The following ODAD2 variants were observed in gnomAD, a reference collection of about 807,000 sequenced individuals.
ODAD2 encodes the protein outer dynein arm-docking complex subunit 2.
In ODAD2, 89 loss-of-function variants were observed where a neutral mutation model predicts 106.8. The ratio of observed to expected loss-of-function variants is 0.83; its 90% CI spans 0.70 to 0.99. The LOEUF is 0.99. Ranked by LOEUF, ODAD2 falls within the 50% of genes least tolerant of loss-of-function variation. The pLI is 0.00. For missense variants in ODAD2, 1,168 were observed against 1,238.5 expected, an observed-to-expected ratio of 0.94 and a Z score of 0.85; for synonymous variants, 404 against 436.2, an observed-to-expected ratio of 0.93 and a Z score of 0.92.
chr10:27,956,979 C>T (rs1351909617), intron 10 of ODAD2: 1 of 152,156 alleles, frequency 6.6e-6, no homozygotes, highest in East Asian at 1.9e-4. Flanking sequence ...TCTCCACCTA[C>T]CTTATTTAGA....
intron 17 of ODAD2, among the ~76,000 whole-genome samples, chr10:27,901,863 G>A (rs905015361): frequency 6.6e-6 from 1 of 152,120 alleles, no homozygotes; most frequent in African/African-American, 2.4e-5. Context: ...ATAATACTGG[G>A]AGACTTTAAC....
intron 9 of ODAD2, among the ~76,000 whole-genome samples, chr10:27,964,485 A>G (rs895177528): frequency 6.6e-6 from 1 of 152,222 alleles, no homozygotes; most frequent in African/African-American, 2.4e-5. Context: ...TCATTCACCA[A>G]ACGTGCATGG....
At chr10:27,859,781 G>A (rs531356120) in intron 19 of ODAD2, among the ~76,000 whole-genome samples, 12 of 152,134 alleles carry the variant, frequency 7.9e-5, no homozygotes, top group Non-Finnish European at 1.5e-4. Context: ...TTTGCAATGT[G>A]TAGGTAAGTT....
At chr10:27,859,537 GT>G (rs1839896701) in intron 19 of ODAD2, among the ~76,000 whole-genome samples, 1 of 152,072 alleles carries the variant, frequency 6.6e-6, no homozygotes, top group Non-Finnish European at 1.5e-5. Flanking sequence ...ACTAACTGGG[GT>G]TTTTAACTCT....
chr10:27,940,340 AT>A (rs1364483092), intron 13 of ODAD2, among the ~76,000 whole-genome samples: 3 of 152,058 alleles, frequency 2.0e-5, no homozygotes, highest in African/African-American at 7.2e-5. Context: ...ATTTATATAA[AT>A]GTCAGTATAT....
intron 10 of ODAD2, among the ~76,000 whole-genome samples, chr10:27,948,779 A>ATTTTTTTTTTTTTTTTTT (rs11451204): frequency 9.9e-5 from 4 of 40,326 alleles, no homozygotes; most frequent in Non-Finnish European, 1.2e-4. Flanking sequence ...TGGCCTTTGG[A>ATTTTTTTTTTTTTTTTTT]TTTTTTTTTT....
intron 16 of ODAD2, among the ~76,000 whole-genome samples, chr10:27,924,988 G>GAAAA (rs34887332): frequency 7.8e-6 from 1 of 127,890 alleles, no homozygotes; most frequent in Non-Finnish European, 1.6e-5. Context: ...TATTTAAAAT[G>GAAAA]AAAAAAAAAA....
intron 7 of ODAD2, among the ~76,000 whole-genome samples, 153 bp from the exon 8 acceptor site, chr10:27,971,466 T>C (rs1848858147): frequency 6.6e-6 from 1 of 152,212 alleles, no homozygotes; most frequent in South Asian, 2.1e-4. Flanking sequence ...ACATCAAGAC[T>C]AAGGCTTCTG....
intron 17 of ODAD2, 32 bp downstream of exon 17, chr10:27,907,631 C>G (rs776237848): frequency 6.7e-7 from 1 of 1,483,796 alleles, no homozygotes; most frequent in Non-Finnish European, 9.4e-7. Context: ...ATTAGAGATT[C>G]TAGAAGAGAC....
Position 27,940,593 on chromosome 10 carries a change from C to T in ODAD2, c.1956G>A (p.Val652=). The T allele has an allele frequency of 6.2e-7, 1 of 1,614,098 alleles. No individual in the cohort carries two copies. The highest frequency in any genetic ancestry group is 8.5e-7 in the Non-Finnish European group (1 of 1,179,980). The stretch of plus-strand genomic sequence containing the variant: ...ATGCACACTCTTGCAATGTCCCCAC[C>T]ACTGGAATTAGCATGTTTTCATGAG... The part of the protein sequence containing the change: ...KTSHENMLIP[V]VGTLQECASE... The change falls in exon 13 of 20, where the codon GTG becomes GTA. Residue 652 remains valine, a synonymous_variant. Transcript: ENST00000305242.
At chr10:27,953,813 T>C (rs548826599) in intron 10 of ODAD2, among the ~76,000 whole-genome samples, 6 of 152,312 alleles carry the variant, frequency 3.9e-5, no homozygotes, top group African/African-American at 1.4e-4. Flanking sequence ...GCTATTTGTA[T>C]AATATTTAAA....
intron 17 of ODAD2, among the ~76,000 whole-genome samples, chr10:27,867,171 A>T (rs1244708894): frequency 6.6e-6 from 1 of 152,180 alleles, no homozygotes; most frequent in East Asian, 1.9e-4. Context: ...TTGGAGGGAC[A>T]AACTAGCAAC....
At chr10:27,952,772 C>T (rs1847449921) in intron 10 of ODAD2, among the ~76,000 whole-genome samples, 1 of 152,170 alleles carries the variant, frequency 6.6e-6, no homozygotes, top group Non-Finnish European at 1.5e-5. Context: ...TAATTTCACT[C>T]TGAGGTTGAA....
intron 17 of ODAD2, among the ~76,000 whole-genome samples, chr10:27,895,104 A>AT (rs1842780926): frequency 2.0e-5 from 3 of 150,884 alleles, no homozygotes; most frequent in African/African-American, 7.3e-5. Context: ...ATTACAGGTG[A>AT]TTTTTTTAAT....
intron 17 of ODAD2, among the ~76,000 whole-genome samples, chr10:27,891,068 G>A (rs961899992): frequency 6.6e-6 from 1 of 152,092 alleles, no homozygotes; most frequent in Non-Finnish European, 1.5e-5. Context: ...CCCTCCACAA[G>A]CCTTCTTCTC....
In ODAD2 at chr10:27,937,301, A is replaced by G. The variant is rs949184610; in HGVS notation, c.2098-421T>C. Among the ~76,000 whole-genome samples the G allele has an allele frequency of 2.0e-5, 3 of 151,288 alleles. No homozygotes were observed. In the East Asian group the frequency reaches 5.8e-4, roughly 29 times the overall value. On this transcript the variant is annotated intron_variant, in intron 14 of 19. Coordinates refer to ENST00000305242, the MANE Select transcript of ODAD2 (RefSeq NM_018076.5). ...CTCTTCAATGGCCCCTGAAATCTAG[A>G]GACAAATATATTTTCTTTTTTTCTT...
chr10:27,981,343 A>G, intron 7 of ODAD2, 123 bp downstream of exon 7: 1 of 874,116 alleles, frequency 1.1e-6, no homozygotes, highest in South Asian at 2.5e-5. Context: ...ATGTTGTAAA[A>G]AAAAACCACT....
At chr10:27,987,773 A>ATT (rs376235316) in intron 2 of ODAD2, among the ~76,000 whole-genome samples, 2 of 143,748 alleles carry the variant, frequency 1.4e-5, no homozygotes. Flanking sequence ...CCAAGGAAGA[A>ATT]TTTTTTTTTT....
chr10:27,984,168 T>C lies in ODAD2; in HGVS notation c.682+16A>G. ...AAATGTAAATAACATAAAATGAGCC[T>C]GAGAAAACATCAAACCTGAGGTATA... is the stretch of plus-strand genomic sequence containing the variant. On this transcript the variant is annotated intron_variant, in intron 5 of 19. Transcript: ENST00000305242. The C allele has an allele frequency of 6.3e-7, 1 of 1,576,256 alleles. No homozygotes were observed. The highest frequency in any genetic ancestry group is 8.7e-7 in the Non-Finnish European group (1 of 1,150,284).
Sources: allele counts gnomAD v4.1 joint callset (sites outside exome capture counted in the v4.1 genomes callset), GRCh38; gene constraint gnomAD v4.1.1; transcripts MANE v1.5; gene names NCBI Gene and HGNC (gene_info 2026-07-23, HGNC 2026-07-21).